Variants in ZNF81 observed in about 807,000 individuals in gnomAD.
ZNF81 encodes zinc finger protein 81 (HFZ20).
ZNF81 carries 5 observed loss-of-function variants against 32.3 expected under a neutral mutation model. That is an observed-to-expected ratio of 0.15 (90% CI 0.08 to 0.33). The LOEUF (loss-of-function observed/expected upper bound fraction) is 0.33, where lower values mean the gene tolerates loss of function less well. ZNF81 is among the 10% of genes least tolerant of loss of function. The pLI is 1.00. For missense variants in ZNF81, 379 were observed against 479.8 expected (o/e 0.79, Z 1.96); for synonymous variants, 163 against 166.8 (o/e 0.98, Z 0.17).
At chrX:47,862,458 G>A (rs1340320018) in intron 2 of ZNF81, among the ~76,000 whole-genome samples, 1 of 108,301 alleles carries the variant, frequency 9.2e-6, no homozygotes, top group Non-Finnish European at 1.9e-5. Context: ...GGGAGGCAGA[G>A]GTTGCAGTGA....
chrX:47,893,705 G>A (rs1198756675), intron 3 of ZNF81, among the ~76,000 whole-genome samples: 1 of 108,717 alleles, frequency 9.2e-6, no homozygotes, highest in African/African-American at 3.4e-5. Context: ...TCTAGCATGA[G>A]AATCACTTGA....
chrX:47,850,883 GCACGCGCGCACA>G (rs1206314534), intron 2 of ZNF81, among the ~76,000 whole-genome samples: 2,131 of 30,737 alleles, frequency 0.069, 59 homozygotes, highest in Middle Eastern at 0.17. Flanking sequence ...TCATTCACAG[GCACGCGCGCACA>G]CACACACACA....
rs1443733827 is a variant in ZNF81 at position 47,884,427 on chromosome X, G to A, written c.55-3572G>A. Among the ~76,000 whole-genome samples the A allele has an allele frequency of 5.5e-5, 6 of 109,296 alleles. No individual in the cohort carries two copies. The Admixed American group carries it at 5.9e-4, about 11-fold the overall frequency. 94.9% of individuals were successfully genotyped at this position (109,296 alleles called of 115,157 possible). On this transcript the variant is annotated intron_variant, in intron 2 of 4. Transcript: ENST00000338637. ...GCTTACATGGGTCCTCTCACTCAGGGTCTCTCACAAGGCTGCAGTCCATGT... is the reference window on the plus strand; with the variant it reads ...GCTTACATGGGTCCTCTCACTCAGGATCTCTCACAAGGCTGCAGTCCATGT...
intron 2 of ZNF81, among the ~76,000 whole-genome samples, chrX:47,859,773 C>T (rs1556882334): frequency 2.7e-5 from 3 of 111,571 alleles, no homozygotes; most frequent in African/African-American, 6.5e-5. Context: ...AGAGTCTTAA[C>T]ATTTGTGCCA....
chrX:47,839,898 C>T (rs781861083), intron 1 of ZNF81, among the ~76,000 whole-genome samples: 2 of 103,680 alleles, frequency 1.9e-5, no homozygotes, highest in South Asian at 4.5e-4. Flanking sequence ...AACACAAATT[C>T]GTAAACTTTC....
At chrX:47,893,346 A>T (rs1214445242) in intron 3 of ZNF81, among the ~76,000 whole-genome samples, 1 of 110,652 alleles carries the variant, frequency 9.0e-6, no homozygotes, top group Admixed American at 9.6e-5. Context: ...TTTGGAGGAG[A>T]CAGTTGGGGG....
chrX:47,850,699 T>G (rs2058490611), intron 2 of ZNF81, among the ~76,000 whole-genome samples: 1 of 107,019 alleles, frequency 9.3e-6, no homozygotes, highest in Non-Finnish European at 1.9e-5. Flanking sequence ...GGTATTTGCT[T>G]CAAATGATTA....
chrX:47,857,020 A>T (rs1603176234), intron 2 of ZNF81, among the ~76,000 whole-genome samples: 1 of 112,018 alleles, frequency 8.9e-6, no homozygotes, highest in East Asian at 2.8e-4. Context: ...TGGCCAAAAA[A>T]CACCAATAGA....
chrX:47,888,181 C>T, intron 3 of ZNF81, 56 bp downstream of exon 3: 1 of 1,176,760 alleles, frequency 8.5e-7, no homozygotes, highest in African/African-American at 1.8e-5. Context: ...TAAATTGTGC[C>T]CCCAAATAAA....
intron 2 of ZNF81, among the ~76,000 whole-genome samples, chrX:47,871,267 A>G (rs2058579201): frequency 9.0e-6 from 1 of 111,665 alleles, no homozygotes; most frequent in African/African-American, 3.3e-5. Context: ...ATTTTTTCAA[A>G]TTTCCCCTAT....
At position 47,843,095 on chromosome X, in the gene ZNF81, A is replaced by G. The variant is rs781857343; in HGVS notation, c.-163-3010A>G. ...TTTTCCTCTCATTTTGAATATATGT[A>G]TATGTGTATGTGTGTGTATGGTTTC... On this transcript the variant is annotated intron_variant, in intron 1 of 4. Coordinates refer to ENST00000338637, the MANE Select transcript of ZNF81 (RefSeq NM_007137.5). Among the ~76,000 whole-genome samples, 3 of 111,944 alleles carry G rather than the reference A, an allele frequency of 2.7e-5. No individual in the cohort carries two copies. In the South Asian group the frequency reaches 1.1e-3, roughly 41 times the overall value.
chrX:47,850,379 T>A (rs182839685), intron 2 of ZNF81, among the ~76,000 whole-genome samples: 122 of 108,553 alleles, frequency 1.1e-3, no homozygotes, highest in African/African-American at 4.0e-3. Flanking sequence ...AGAAAAATTT[T>A]AAAAATAGAA....
intron 2 of ZNF81, among the ~76,000 whole-genome samples, chrX:47,871,075 G>T (rs1887800): frequency 0.42 from 45,871 of 110,433 alleles, 7,505 homozygotes; most frequent in East Asian, 0.6. Flanking sequence ...GGTGTCAGCC[G>T]TGTGTTAACC....
At chrX:47,886,589 T>TTC (rs1240410134) in intron 2 of ZNF81, among the ~76,000 whole-genome samples, 188 of 107,243 alleles carry the variant, frequency 1.8e-3, no homozygotes, top group African/African-American at 6.1e-3. Flanking sequence ...TTCTTTTCTT[T>TTC]TCTCTCTCTC....
At chrX:47,893,914 C>T (rs1238873549) in intron 3 of ZNF81, among the ~76,000 whole-genome samples, 1 of 111,667 alleles carries the variant, frequency 9.0e-6, no homozygotes, top group Non-Finnish European at 1.9e-5. Context: ...AAGACAAAGG[C>T]TTCGAAGGTG....
In ZNF81 at chrX:47,923,974, G is replaced by A. The variant is rs1556892361; in HGVS notation, c.*7342G>A. Reference sequence around the variant, plus strand: ...GTCTACCACCAGATGCTTGGCTGCAGGCTCACAAAAGCTTCTCATGGACTT... The same window carrying A: ...GTCTACCACCAGATGCTTGGCTGCAAGCTCACAAAAGCTTCTCATGGACTT... On this transcript the variant is annotated 3_prime_UTR_variant, in exon 5 of 5. Transcript: ENST00000338637. Among the ~76,000 whole-genome samples, 1 of 111,444 alleles carries A rather than the reference G, an allele frequency of 9.0e-6. No individual in the cohort carries two copies. The highest frequency in any genetic ancestry group is 1.9e-5 in the Non-Finnish European group (1 of 53,099).
intron 2 of ZNF81, among the ~76,000 whole-genome samples, chrX:47,884,986 G>C (rs1353433581): frequency 9.0e-6 from 1 of 111,699 alleles, no homozygotes; most frequent in African/African-American, 3.3e-5. Context: ...AGGACCCAGA[G>C]TGTGGAACCA....
intron 2 of ZNF81, 88 bp downstream of exon 2, chrX:47,846,409 C>A: frequency 9.4e-7 from 1 of 1,060,078 alleles, no homozygotes; most frequent in Non-Finnish European, 1.3e-6. Flanking sequence ...ATTTCTAGTA[C>A]TTTTTTTAGC....
intron 2 of ZNF81, among the ~76,000 whole-genome samples, chrX:47,873,080 A>T (rs782521363): frequency 4.5e-5 from 5 of 111,802 alleles, no homozygotes; most frequent in Non-Finnish European, 9.4e-5. Flanking sequence ...CATCTGGAGT[A>T]GAGAATATGG....
Sources: gnomAD v4.1 joint callset for allele counts (sites outside exome capture counted in the v4.1 genomes callset) on GRCh38, gnomAD v4.1.1 for gene constraint, MANE v1.5 for transcripts, NCBI Gene and HGNC (gene_info 2026-07-23, HGNC 2026-07-21) for gene names.